FSHR: variants seen among roughly 807,000 people sequenced by gnomAD.
FSHR encodes the protein follicle-stimulating hormone receptor.
FSHR carries 46 observed loss-of-function variants against 52.1 expected under a neutral mutation model. The observed-to-expected ratio is 0.88, with a 90% CI of 0.70 to 1.13. FSHR has a LOEUF of 1.13. Ranked by LOEUF, FSHR falls within the 50% of genes most tolerant of loss-of-function variation. The pLI is 0.00. For missense variants in FSHR, 964 were observed against 834.6 expected (o/e 1.16, Z -1.91); for synonymous variants, 399 against 309.6 (o/e 1.29, Z -3.03).
chr2:48,997,282 A>T (rs1559116724), intron 4 of FSHR: 3 of 985,070 alleles, frequency 3.0e-6, no homozygotes, highest in South Asian at 4.7e-5. Flanking sequence ...CACATTTTCA[A>T]AACTAGAAGT....
intron 4 of FSHR, among the ~76,000 whole-genome samples, chr2:49,005,039 T>C (rs1382487710): frequency 1.3e-5 from 2 of 151,984 alleles, no homozygotes; most frequent in Non-Finnish European, 2.9e-5. Flanking sequence ...CATTACCTTT[T>C]TCAGGTTCCT....
At chr2:49,018,099 A>G (rs1414734036) in intron 3 of FSHR, among the ~76,000 whole-genome samples, 1 of 152,200 alleles carries the variant, frequency 6.6e-6, no homozygotes, top group East Asian at 1.9e-4. Flanking sequence ...ATGGCAAAGA[A>G]AAAGAAAGTT....
chr2:49,013,755 A>G (rs1410866739), intron 4 of FSHR, among the ~76,000 whole-genome samples: 1 of 151,642 alleles, frequency 6.6e-6, no homozygotes, highest in Non-Finnish European at 1.5e-5. Flanking sequence ...AGAATTATAT[A>G]ACTGCAATGA....
At chr2:49,068,327 C>T (rs1243919852) in intron 1 of FSHR, 37 bp from the exon 2 acceptor site, 2 of 1,536,558 alleles carry the variant, frequency 1.3e-6, no homozygotes, top group Admixed American at 1.7e-5. Context: ...CACAACCTAT[C>T]CATTAATAAG....
intron 1 of FSHR, among the ~76,000 whole-genome samples, chr2:49,132,222 C>G (rs893819076): frequency 6.6e-6 from 1 of 152,126 alleles, no homozygotes; most frequent in South Asian, 2.1e-4. Flanking sequence ...ATGCTGAACT[C>G]AGGACTTTGA....
chr2:49,132,464 C>T (rs1672315280), intron 1 of FSHR, among the ~76,000 whole-genome samples: 1 of 152,172 alleles, frequency 6.6e-6, no homozygotes, highest in Non-Finnish European at 1.5e-5. Context: ...CCATGTCACA[C>T]TGTTTAAGAA....
chr2:49,100,016 T>G (rs1670968609), intron 1 of FSHR, among the ~76,000 whole-genome samples: 1 of 152,152 alleles, frequency 6.6e-6, no homozygotes, highest in African/African-American at 2.4e-5. Flanking sequence ...TTGTGAGCAC[T>G]AATAATAATA....
chr2:48,986,818 G>A (rs1675536656), intron 6 of FSHR, among the ~76,000 whole-genome samples: 1 of 152,134 alleles, frequency 6.6e-6, no homozygotes, highest in Non-Finnish European at 1.5e-5. Flanking sequence ...GTCACTTAAA[G>A]TGCTTTGCCT....
At chr2:49,142,718 G>A (rs930224657) in intron 1 of FSHR, among the ~76,000 whole-genome samples, 4 of 152,266 alleles carry the variant, frequency 2.6e-5, no homozygotes, top group Admixed American at 2.0e-4. Context: ...AAAAGGTAGG[G>A]GACATTGCAG....
chr2:49,078,135 T>C (rs1292763106), intron 1 of FSHR, among the ~76,000 whole-genome samples: 1 of 152,140 alleles, frequency 6.6e-6, no homozygotes, highest in African/African-American at 2.4e-5. Flanking sequence ...GACTGGGCAA[T>C]TTACAAAAGA....
At chr2:49,064,987 C>T (rs538324898) in intron 2 of FSHR, among the ~76,000 whole-genome samples, 1 of 152,158 alleles carries the variant, frequency 6.6e-6, no homozygotes, top group African/African-American at 2.4e-5. Flanking sequence ...ATATTTTGTT[C>T]ATTTGTTTAT....
chr2:49,083,450 A>G (rs989670570), intron 1 of FSHR, among the ~76,000 whole-genome samples: 1 of 150,464 alleles, frequency 6.6e-6, no homozygotes. Flanking sequence ...TGAGCAAAAT[A>G]ACCAGCTAAC....
Position 48,963,579 on chromosome 2 carries a change from G to A in FSHR, c.1242C>T (p.Tyr414=). ...TATCAACTGATGCAATGAGCAGCAG[G>A]TAGATTCCAATGCAGAGATCAGCAA... ...LAFADLCIGI[Y]LLLIASVDIH... The change falls in exon 10 of 10, where the codon TAC becomes TAT. Residue 414 remains tyrosine, a synonymous_variant. Coordinates refer to ENST00000406846, the MANE Select transcript of FSHR (RefSeq NM_000145.4). The A allele has an allele frequency of 1.9e-6, 3 of 1,614,190 alleles. No homozygotes were observed. Among genetic ancestry groups the A allele is most frequent in the Non-Finnish European group, 2.5e-6 (3 of 1,180,034 alleles).
At chr2:49,068,944 T>G (rs748792799) in intron 1 of FSHR, among the ~76,000 whole-genome samples, 27 of 152,230 alleles carry the variant, frequency 1.8e-4, no homozygotes, top group African/African-American at 6.5e-4. Context: ...TCCCCTTCTT[T>G]CCTGGATTCT....
intron 2 of FSHR, among the ~76,000 whole-genome samples, chr2:49,062,185 T>C (rs1432172072): frequency 6.6e-6 from 1 of 152,020 alleles, no homozygotes; most frequent in Admixed American, 6.6e-5. Context: ...ACTACAAAGC[T>C]ATAGTAATCC....
intron 4 of FSHR, among the ~76,000 whole-genome samples, chr2:49,012,045 G>A (rs1922478): frequency 0.015 from 2,210 of 152,166 alleles, 43 homozygotes; most frequent in African/African-American, 0.045. Context: ...CCATTAACAG[G>A]CATCATAAGG....
Position 48,982,908 on chromosome 2 carries a change from T to G in FSHR, c.668+4A>C, listed in dbSNP as rs767896695. On this transcript the variant is annotated splice_donor_region_variant and intron_variant, in intron 8 of 9. Coordinates refer to ENST00000406846, the MANE Select transcript of FSHR (RefSeq NM_000145.4). ...TACACACAGAAATGGGGAAAGCTAC[T>G]CACAGAATGACTGGTCCAGAGGCTC... is the stretch of plus-strand genomic sequence containing the variant. The G allele has an allele frequency of 1.9e-6, 3 of 1,611,176 alleles. 1 individual carries two copies. Among genetic ancestry groups the G allele is most frequent in the South Asian group, 1.1e-5 (1 of 91,012 alleles).
intron 2 of FSHR, among the ~76,000 whole-genome samples, chr2:49,026,169 G>A (rs1440324695): frequency 6.6e-6 from 1 of 152,176 alleles, no homozygotes; most frequent in Non-Finnish European, 1.5e-5. Flanking sequence ...AGTACCTTCA[G>A]TGGCTCAGCC....
intron 1 of FSHR, among the ~76,000 whole-genome samples, chr2:49,101,685 A>C (rs770298221): frequency 3.3e-5 from 5 of 152,152 alleles, no homozygotes; most frequent in Non-Finnish European, 7.3e-5. Context: ...ATCTGAACCA[A>C]ATATCTGAAA....
Sources: gnomAD v4.1 joint callset for allele counts (sites outside exome capture counted in the v4.1 genomes callset) on GRCh38, gnomAD v4.1.1 for gene constraint, MANE v1.5 for transcripts, NCBI Gene and HGNC (gene_info 2026-07-23, HGNC 2026-07-21) for gene names.